Variants in SIDT1 observed in about 807,000 individuals in gnomAD.
SIDT1 encodes the protein SID1 transmembrane family, member 1.
Under a neutral mutation model 107.5 loss-of-function variants are expected in SIDT1, and 101 were observed. That is an observed-to-expected ratio of 0.94 (90% CI 0.80 to 1.11). The LOEUF (loss-of-function observed/expected upper bound fraction) is 1.11, where lower values mean the gene tolerates loss of function less well. Among genes scored for constraint, SIDT1 ranks in the 50% least tolerant of loss-of-function variants. SIDT1 has a pLI of 0.00. For synonymous variants in SIDT1, 395 were observed against 398.2 expected (o/e 0.99, Z 0.10); for missense variants, 1,076 against 1,058.2 (o/e 1.02, Z -0.23).
intron 1 of SIDT1, among the ~76,000 whole-genome samples, chr3:113,553,895 A>G (rs1025566715): frequency 1.3e-5 from 2 of 152,128 alleles, no homozygotes; most frequent in South Asian, 4.1e-4. Flanking sequence ...AAAATACAAA[A>G]AATTCGCTGG....
In SIDT1 at chr3:113,608,134, C is replaced by A. The variant is rs1576941571; in HGVS notation, c.1519C>A (p.Leu507Met). 6.2e-7 allele frequency: 1 copy of A among 1,612,592 alleles called. No individual in the cohort carries two copies. Among genetic ancestry groups the A allele is most frequent in the South Asian group, 1.1e-5 (1 of 90,780 alleles). Residue 507 changes from leucine to methionine, a missense_variant, in exon 16 of 25, where the codon CTG becomes ATG. Physicochemically the swap from Leu to Met is conservative, Grantham distance 15 (BLOSUM62 2). Transcript: ENST00000264852. ...NILSNLGHVL[L>M]GFLFLLIVLR... is the part of the protein sequence containing the mutation. ...TCTCAGCAATCTGGGCCACGTGCTT[C>A]TGGGCTTCCTCTTCCTGCTGATAGT... is the stretch of plus-strand genomic sequence containing the variant.
At chr3:113,607,662 C>G (rs1162913947) in intron 15 of SIDT1, among the ~76,000 whole-genome samples, 1 of 152,206 alleles carries the variant, frequency 6.6e-6, no homozygotes, top group African/African-American at 2.4e-5. Flanking sequence ...TCAAATAAAG[C>G]TGCTGGCTAT....
At chr3:113,608,019 C>G (rs1171245126) in intron 15 of SIDT1, 75 bp from the exon 16 acceptor site, 5 of 1,401,322 alleles carry the variant, frequency 3.6e-6, no homozygotes, top group Non-Finnish European at 3.8e-6. Flanking sequence ...TTCATTCATT[C>G]CTTCATGCAT....
At position 113,567,575 on chromosome 3, in the gene SIDT1, G is replaced by A. The variant is rs369052957; in HGVS notation, c.380G>A (p.Arg127His). Residue 127 changes from arginine (R) to histidine (H), a missense_variant, in exon 3 of 25, where the codon CGC becomes CAC. By Grantham distance (29) the Arg-to-His change is conservative (BLOSUM62 0). Transcript: ENST00000264852. ...AGCTACAACTATCAAGAAGTGAGCC[G>A]CACCTTATGTCCCTCAGAAGCAACC... The part of the protein sequence containing the change: ...QRSYNYQEVS[R>H]TLCPSEATNE... The A allele has an allele frequency of 1.9e-5, 31 of 1,613,532 alleles. No homozygotes were observed. Among genetic ancestry groups the A allele is most frequent in the South Asian group, 6.6e-5 (6 of 90,986 alleles).
intron 1 of SIDT1, among the ~76,000 whole-genome samples, chr3:113,551,411 A>G (rs1263339593): frequency 6.6e-6 from 1 of 152,218 alleles, no homozygotes; most frequent in East Asian, 1.9e-4. Flanking sequence ...GCCCAAAATC[A>G]TGTACTAGTT....
intron 1 of SIDT1, among the ~76,000 whole-genome samples, chr3:113,540,193 T>G (rs1001148645): frequency 6.6e-6 from 1 of 151,792 alleles, no homozygotes; most frequent in Admixed American, 6.6e-5. Flanking sequence ...AACAACCAAC[T>G]CTCATTGGAA....
At chr3:113,626,602 C>G (rs1946868656) in intron 24 of SIDT1, among the ~76,000 whole-genome samples, 1 of 152,138 alleles carries the variant, frequency 6.6e-6, no homozygotes, top group East Asian at 1.9e-4. Context: ...CCTCCTCCTC[C>G]AGTCTCCCTG....
intron 6 of SIDT1, among the ~76,000 whole-genome samples, chr3:113,582,818 G>A (rs1304749186): frequency 6.6e-6 from 1 of 152,096 alleles, no homozygotes; most frequent in Non-Finnish European, 1.5e-5. Context: ...TTCTCAGTGG[G>A]CTGAACATAA....
intron 17 of SIDT1, among the ~76,000 whole-genome samples, chr3:113,608,794 A>G (rs1185778468): frequency 6.6e-6 from 1 of 152,160 alleles, no homozygotes; most frequent in Non-Finnish European, 1.5e-5. Context: ...TGGTTGATTT[A>G]TCTGGTGACT....
At position 113,623,717 on chromosome 3, in the gene SIDT1, A is replaced by G; in HGVS notation, c.2291A>G (p.Asn764Ser). ...WAAALYFFFQ[N>S]LSSWEGTPAE... ...GCCGCCCTATATTTTTTCTTCCAGA[A>G]TCTCAGCAGCTGGGAGGTAAGAGGC... is the stretch of plus-strand genomic sequence containing the variant. The change falls in exon 23 of 25, where the codon AAT (asparagine) becomes AGT (serine). Residue 764 changes from asparagine to serine, a missense_variant. Coordinates refer to ENST00000264852, the MANE Select transcript of SIDT1 (RefSeq NM_017699.3). 1 of 1,613,564 alleles carries G rather than the reference A, an allele frequency of 6.2e-7. No homozygotes were observed. The highest frequency in any genetic ancestry group is 2.2e-5 in the East Asian group (1 of 44,884).
rs1275521613 is a variant in SIDT1, at chr3:113,628,562, A to T, written c.*854A>T. ...AACAAGAGAAATGACTAACCATACT[A>T]AAAGACTGGTAACAGCAGCAGCAGC... On this transcript the variant is annotated 3_prime_UTR_variant, in exon 25 of 25. Transcript: ENST00000264852. 6.5e-6 allele frequency: 1 copy of T among 152,748 alleles called. No homozygotes were observed. Among genetic ancestry groups the T allele is most frequent in the East Asian group, 1.9e-4 (1 of 5,208 alleles). The allele number at this position is 152,748 out of a possible 1,614,324, so 9.5% of individuals were successfully genotyped here.
At chr3:113,560,261 T>G (rs1210864668) in intron 1 of SIDT1, among the ~76,000 whole-genome samples, 1 of 152,232 alleles carries the variant, frequency 6.6e-6, no homozygotes, top group Non-Finnish European at 1.5e-5. Flanking sequence ...CCTGTGCTGC[T>G]TCCCTGATTC....
At chr3:113,558,777 G>A (rs189944627) in intron 1 of SIDT1, among the ~76,000 whole-genome samples, 6 of 152,306 alleles carry the variant, frequency 3.9e-5, no homozygotes, top group African/African-American at 7.2e-5. Context: ...TATCGATGAC[G>A]CTGTGGCAAA....
intron 1 of SIDT1, among the ~76,000 whole-genome samples, chr3:113,535,390 T>C (rs1938020459): frequency 6.6e-6 from 1 of 152,230 alleles, no homozygotes. Context: ...AAATGAAATG[T>C]ATACTGTTTT....
chr3:113,621,837 C>T (rs2107813215), intron 21 of SIDT1, among the ~76,000 whole-genome samples: 1 of 152,314 alleles, frequency 6.6e-6, no homozygotes, highest in East Asian at 1.9e-4. Flanking sequence ...CATTAGAACT[C>T]TCTGGAGTGA....
Position 113,573,341 on chromosome 3 carries a change from G to T in SIDT1, c.516-3581G>T, listed in dbSNP as rs143602206. On this transcript the variant is annotated intron_variant, in intron 3 of 24. Coordinates refer to ENST00000264852, the MANE Select transcript of SIDT1 (RefSeq NM_017699.3). Reference sequence around the variant, plus strand: ...GAGATGGCCCTGGGCTGGACACAGGGACTTGAGATTCACTGGCATTATTGT... The same window carrying T: ...GAGATGGCCCTGGGCTGGACACAGGTACTTGAGATTCACTGGCATTATTGT... Among the ~76,000 whole-genome samples the T allele has an allele frequency of 4.6e-3, 694 of 152,282 alleles. 7 individuals are homozygous for T. The highest frequency in any genetic ancestry group is 0.016 in the African/African-American group (670 of 41,546).
At chr3:113,593,314 G>A (rs997858858) in intron 10 of SIDT1, among the ~76,000 whole-genome samples, 1 of 152,276 alleles carries the variant, frequency 6.6e-6, no homozygotes, top group Admixed American at 6.5e-5. Flanking sequence ...TGAGTGGCAG[G>A]TGAGCAAGTA....
In SIDT1 at chr3:113,580,633, A is replaced by G; in HGVS notation, c.587A>G (p.Asp196Gly). Residue 196 changes from aspartate (D) to glycine (G), a missense_variant, in exon 5 of 25, where the codon GAC (aspartate) becomes GGC (glycine). Asp to Gly is a moderately conservative substitution (Grantham distance 94, BLOSUM62 -1). Coordinates refer to ENST00000264852, the MANE Select transcript of SIDT1 (RefSeq NM_017699.3). Reference protein sequence around the residue: ...PQYFLYKFPKDVDSVIIKVVS... With the variant: ...PQYFLYKFPKGVDSVIIKVVS... ...TATTTTCTATACAAGTTTCCCAAAG[A>G]CGTGGACTCAGTTATCATTAAAGTG... 6.2e-7 allele frequency: 1 copy of G among 1,610,372 alleles called. No homozygotes were observed. The highest frequency in any genetic ancestry group is 8.5e-7 in the Non-Finnish European group (1 of 1,176,688).
In SIDT1 at chr3:113,592,994, C is replaced by T. The variant is rs1944284000; in HGVS notation, c.1002-11C>T. 1 of 1,607,662 alleles carries T rather than the reference C, an allele frequency of 6.2e-7. No homozygotes were observed. The highest frequency in any genetic ancestry group is 1.3e-5 in the African/African-American group (1 of 74,772). ...ACTGTCTTAGGAGCATGTGTATGTGCTTGTTTGCAGGTTTCAGAGAAAATC... is the reference window on the plus strand; with the variant it reads ...ACTGTCTTAGGAGCATGTGTATGTGTTTGTTTGCAGGTTTCAGAGAAAATC... On this transcript the variant is annotated splice_polypyrimidine_tract_variant and intron_variant, in intron 9 of 24. Coordinates refer to ENST00000264852, the MANE Select transcript of SIDT1 (RefSeq NM_017699.3).
Sources: gnomAD v4.1 joint callset for allele counts (sites outside exome capture counted in the v4.1 genomes callset) on GRCh38, gnomAD v4.1.1 for gene constraint, MANE v1.5 for transcripts, NCBI Gene and HGNC (gene_info 2026-07-23, HGNC 2026-07-21) for gene names.